Variants in AMMECR1 observed in about 807,000 individuals in gnomAD.
AMMECR1 encodes nuclear protein AMMECR1.
In AMMECR1, 3 loss-of-function variants were observed where a neutral mutation model predicts 22.5. The ratio of observed to expected loss-of-function variants is 0.13; its 90% CI spans 0.06 to 0.35. AMMECR1 has a LOEUF of 0.35. Ranked by LOEUF, AMMECR1 falls within the 10% of genes least tolerant of loss-of-function variation. The pLI is 1.00. For synonymous variants in AMMECR1, 130 were observed against 116.7 expected (o/e 1.11, Z -0.74); for missense variants, 235 against 278.7 (o/e 0.84, Z 1.12).
chrX:110,432,562 C>T (rs1327749173), intron 1 of AMMECR1, among the ~76,000 whole-genome samples: 1 of 111,876 alleles, frequency 8.9e-6, no homozygotes, highest in African/African-American at 3.3e-5. Context: ...GAGCGTGGCA[C>T]CTCATTGCTA....
At chrX:110,389,154 A>C (rs2068477727) in intron 2 of AMMECR1, among the ~76,000 whole-genome samples, 1 of 112,632 alleles carries the variant, frequency 8.9e-6, no homozygotes, top group Admixed American at 9.4e-5. Flanking sequence ...ACGGCTTCTA[A>C]GAGCCTTTAA....
At position 110,376,615 on chromosome X, in the gene AMMECR1, C is replaced by A. The variant is rs779601106; in HGVS notation, c.-148+50043G>T. The stretch of plus-strand genomic sequence containing the variant: ...TGCCCTATGAGGCAGCACCAACACT[C>A]AGAAGAAAACAAAAAAGAAACTCTT... On this transcript the variant is annotated intron_variant, in intron 2 of 7. Coordinates refer to the AMMECR1 transcript ENST00000372057. Among the ~76,000 whole-genome samples, 6 of 112,199 alleles carry A rather than the reference C, an allele frequency of 5.3e-5. 1 individual carries two copies. In the South Asian group the frequency reaches 2.3e-3, roughly 43 times the overall value.
intron 1 of AMMECR1, among the ~76,000 whole-genome samples, chrX:110,432,755 C>G (rs766977507): frequency 8.9e-6 from 1 of 112,359 alleles, no homozygotes; most frequent in South Asian, 3.7e-4. Context: ...CAAGTCCCTG[C>G]TCTCTCTTTC....
At chrX:110,236,581 T>C (rs2148184256) in intron 2 of AMMECR1, among the ~76,000 whole-genome samples, 1 of 112,241 alleles carries the variant, frequency 8.9e-6, no homozygotes, top group East Asian at 2.8e-4. Context: ...ATGAGTATGG[T>C]GACTGTGCTC....
At chrX:110,424,466 T>G (rs1247021933) in intron 2 of AMMECR1, among the ~76,000 whole-genome samples, 3 of 111,658 alleles carry the variant, frequency 2.7e-5, no homozygotes, top group Admixed American at 9.5e-5. Flanking sequence ...GCACCCATTC[T>G]ACTTTTCTGC....
chrX:110,400,896 T>A (rs886181651), intron 2 of AMMECR1, among the ~76,000 whole-genome samples: 1 of 111,911 alleles, frequency 8.9e-6, no homozygotes, highest in Non-Finnish European at 1.9e-5. Flanking sequence ...TGCTCCCAGT[T>A]CTTCGTCATC....
At chrX:110,276,145 C>T (rs2067825346) in intron 1 of AMMECR1, among the ~76,000 whole-genome samples, 1 of 111,198 alleles carries the variant, frequency 9.0e-6, no homozygotes, top group African/African-American at 3.3e-5. Flanking sequence ...TTGATATTTT[C>T]CTCTGCAGCA....
intron 2 of AMMECR1, among the ~76,000 whole-genome samples, chrX:110,393,869 C>T (rs1036590419): frequency 5.4e-5 from 6 of 112,078 alleles, no homozygotes; most frequent in South Asian, 3.7e-4. Context: ...CTGGAATCAG[C>T]GGGTTAGAAA....
intron 2 of AMMECR1, among the ~76,000 whole-genome samples, chrX:110,416,381 A>C (rs2068677830): frequency 8.9e-6 from 1 of 112,182 alleles, no homozygotes; most frequent in Non-Finnish European, 1.9e-5. Flanking sequence ...GCACATGGTA[A>C]CTGCTTTAAA....
chrX:110,201,594 T>C (rs1468239510), intron 4 of AMMECR1, among the ~76,000 whole-genome samples: 1 of 111,845 alleles, frequency 8.9e-6, no homozygotes, highest in Non-Finnish European at 1.9e-5. Flanking sequence ...TTATGTATGC[T>C]TTACAAAGTT....
chrX:110,222,477 G>A (rs1455137807), intron 2 of AMMECR1, among the ~76,000 whole-genome samples: 22 of 89,878 alleles, frequency 2.4e-4, no homozygotes, highest in Non-Finnish European at 1.5e-4. Flanking sequence ...GGATAGCACT[G>A]GGAGATATAC....
chrX:110,277,139 G>C (rs951996145), intron 1 of AMMECR1, among the ~76,000 whole-genome samples: 1 of 111,291 alleles, frequency 9.0e-6, no homozygotes, highest in African/African-American at 3.3e-5. Flanking sequence ...TCTTGCACCA[G>C]TTACTCCTTC....
chrX:110,422,795 A>T (rs181862189), intron 2 of AMMECR1, among the ~76,000 whole-genome samples: 65 of 111,668 alleles, frequency 5.8e-4, no homozygotes, highest in African/African-American at 1.9e-3. Flanking sequence ...AAGAAAAGAG[A>T]TCTTCCCCAA....
chrX:110,320,150 C>A (rs1006558223), upstream of AMMECR1, among the ~76,000 whole-genome samples: 1 of 111,917 alleles, frequency 8.9e-6, no homozygotes, highest in African/African-American at 3.3e-5. Context: ...AATAACAATT[C>A]TTTGTCAATT....
At chrX:110,255,711 G>T (rs1027814267) in intron 2 of AMMECR1, among the ~76,000 whole-genome samples, 6 of 111,332 alleles carry the variant, frequency 5.4e-5, no homozygotes, top group African/African-American at 2.0e-4. Flanking sequence ...CTACTAGGAA[G>T]GATACAAAAG....
At chrX:110,386,864 A>G (rs5985463) in intron 2 of AMMECR1, among the ~76,000 whole-genome samples, 17,025 of 111,947 alleles carry the variant, frequency 0.15, 2,289 homozygotes, top group African/African-American at 0.44. Context: ...AAAGAGCTTC[A>G]TAACACAGAA....
rs1383244558 is a variant in AMMECR1, at chrX:110,240,058, C to T, written c.585-23426G>A. Among the ~76,000 whole-genome samples the T allele has an allele frequency of 3.6e-5, 4 of 111,221 alleles. No individual in the cohort carries two copies. In the Admixed American group the frequency reaches 3.8e-4, roughly 11 times the overall value. The stretch of plus-strand genomic sequence containing the variant: ...GCCTTACAAGAGCTCCTGAAGGAAG[C>T]ACTAAATATGGAAAGGAAAAACCGG... On this transcript the variant is annotated intron_variant, in intron 2 of 5. Transcript: ENST00000262844.
intron 2 of AMMECR1, among the ~76,000 whole-genome samples, chrX:110,402,269 C>A (rs2068570334): frequency 8.8e-6 from 1 of 113,088 alleles, no homozygotes; most frequent in Non-Finnish European, 1.9e-5. Context: ...GCTCACCTTG[C>A]CTATAAATAT....
At chrX:110,338,380 G>A (rs1054897501) in intron 2 of AMMECR1, among the ~76,000 whole-genome samples, 1 of 111,913 alleles carries the variant, frequency 8.9e-6, no homozygotes, top group Non-Finnish European at 1.9e-5. Context: ...CAAACAATGA[G>A]TGGACAGACA....
Sources: allele counts gnomAD v4.1 joint callset (sites outside exome capture counted in the v4.1 genomes callset), GRCh38; gene constraint gnomAD v4.1.1; transcripts MANE v1.5; gene names NCBI Gene and HGNC (gene_info 2026-07-23, HGNC 2026-07-21).